Variants in CDH11 observed in about 807,000 individuals in gnomAD.
CDH11 encodes the protein cadherin 11.
Under a neutral mutation model 67.8 loss-of-function variants are expected in CDH11, and 11 were observed. The ratio of observed to expected loss-of-function variants is 0.16; its 90% CI spans 0.10 to 0.27. The LOEUF (loss-of-function observed/expected upper bound fraction) is 0.27, where lower values mean the gene tolerates loss of function less well. Among genes scored for constraint, CDH11 ranks in the 10% least tolerant of loss-of-function variants. The probability of loss-of-function intolerance (pLI) is 1.00; values close to 1 mark genes in which losing one functional copy is unlikely to be tolerated. For missense variants in CDH11, 847 were observed against 1,031.2 expected, an observed-to-expected ratio of 0.82 and a Z score of 2.45; for synonymous variants, 419 against 400.0, an observed-to-expected ratio of 1.05 and a Z score of -0.57.
intron 2 of CDH11, among the ~76,000 whole-genome samples, chr16:65,007,975 T>C (rs924299303): frequency 6.6e-6 from 1 of 152,200 alleles, no homozygotes; most frequent in African/African-American, 2.4e-5. Context: ...AAACAGCATA[T>C]GGTGAGGCAA....
chr16:64,989,472 G>A (rs1182072352), intron 6 of CDH11, among the ~76,000 whole-genome samples: 1 of 152,162 alleles, frequency 6.6e-6, no homozygotes, highest in Admixed American at 6.6e-5. Context: ...TAAAATGACT[G>A]AGGAAGACAA....
intron 1 of CDH11, among the ~76,000 whole-genome samples, chr16:65,110,624 A>ATGTGTGTGTGTGTG (rs57316241): frequency 1.5e-5 from 2 of 135,828 alleles, no homozygotes; most frequent in Admixed American, 7.5e-5. Context: ...ATGGCCAATG[A>ATGTGTGTGTGTGTG]TGTGTGTGTG....
chr16:65,081,464 G>A (rs1428006920), intron 1 of CDH11, among the ~76,000 whole-genome samples: 4 of 152,038 alleles, frequency 2.6e-5, no homozygotes, highest in African/African-American at 9.7e-5. Context: ...AGCTACGCGG[G>A]AGGCTGAGGC....
intron 1 of CDH11, among the ~76,000 whole-genome samples, chr16:65,055,056 T>C (rs930830638): frequency 6.6e-6 from 1 of 152,226 alleles, no homozygotes; most frequent in Non-Finnish European, 1.5e-5. Flanking sequence ...GTGTGCTATT[T>C]ATCCAAATGT....
chr16:65,025,460 A>G (rs1188814963), intron 2 of CDH11, among the ~76,000 whole-genome samples: 2 of 152,132 alleles, frequency 1.3e-5, no homozygotes, highest in Non-Finnish European at 1.5e-5. Context: ...CTCCTGCCTC[A>G]GCCTCCTGAG....
At chr16:65,038,619 G>T (rs984325909) in intron 2 of CDH11, among the ~76,000 whole-genome samples, 10 of 152,156 alleles carry the variant, frequency 6.6e-5, no homozygotes, top group African/African-American at 1.9e-4. Flanking sequence ...AATATCCGTG[G>T]ATCCCACATC....
intron 7 of CDH11, chr16:64,985,506 T>G (rs1274041783): frequency 1.3e-5 from 2 of 151,920 alleles, no homozygotes; most frequent in Non-Finnish European, 2.9e-5. Context: ...TTTTTCTGCC[T>G]TTTCTGTCCT....
intron 4 of CDH11, among the ~76,000 whole-genome samples, chr16:64,993,461 TC>T (rs1179521691): frequency 6.6e-6 from 1 of 152,178 alleles, no homozygotes; most frequent in African/African-American, 2.4e-5. Flanking sequence ...AGTGCAATCT[TC>T]CATCTGTAGC....
At chr16:65,008,213 A>G (rs1450731889) in intron 2 of CDH11, among the ~76,000 whole-genome samples, 1 of 152,260 alleles carries the variant, frequency 6.6e-6, no homozygotes, top group Non-Finnish European at 1.5e-5. Flanking sequence ...AAAAATGTCT[A>G]GCTTAATACT....
At chr16:65,027,685 G>A (rs2073561804) in intron 2 of CDH11, among the ~76,000 whole-genome samples, 1 of 152,200 alleles carries the variant, frequency 6.6e-6, no homozygotes, top group Non-Finnish European at 1.5e-5. Context: ...CAGGATGGCT[G>A]CCCATGAAAC....
chr16:65,061,325 T>C (rs1379677664), intron 1 of CDH11, among the ~76,000 whole-genome samples: 1 of 152,250 alleles, frequency 6.6e-6, no homozygotes, highest in Non-Finnish European at 1.5e-5. Flanking sequence ...CACAAAATTA[T>C]ATAATTTTTT....
chr16:65,021,518 T>A (rs1360816763), intron 2 of CDH11, among the ~76,000 whole-genome samples: 1 of 149,828 alleles, frequency 6.7e-6, no homozygotes, highest in Non-Finnish European at 1.5e-5. Context: ...AGAAACAAGA[T>A]TCAAGAAGAG....
At chr16:65,095,158 C>A (rs1243170441) in intron 1 of CDH11, among the ~76,000 whole-genome samples, 5 of 152,082 alleles carry the variant, frequency 3.3e-5, no homozygotes, top group Admixed American at 1.3e-4. Context: ...CTGCCTCACT[C>A]CTCATTCTTT....
chr16:65,120,398 C>T (rs1201706882), intron 1 of CDH11, among the ~76,000 whole-genome samples: 4 of 152,172 alleles, frequency 2.6e-5, no homozygotes, highest in African/African-American at 9.7e-5. Context: ...GTCCTCTAGC[C>T]AGATTAATTA....
At chr16:65,081,087 T>C (rs1050833940) in intron 1 of CDH11, among the ~76,000 whole-genome samples, 3 of 152,190 alleles carry the variant, frequency 2.0e-5, no homozygotes, top group Non-Finnish European at 2.9e-5. Context: ...ATGTTGAATA[T>C]ACAATAATCG....
At chr16:65,020,980 A>ATTT (rs200624560) in intron 2 of CDH11, among the ~76,000 whole-genome samples, 1 of 144,988 alleles carries the variant, frequency 6.9e-6, no homozygotes, top group Non-Finnish European at 1.5e-5. Flanking sequence ...CAAGAATTCC[A>ATTT]TTTTTTTTTT....
At chr16:65,088,723 C>T (rs1199044001) in intron 1 of CDH11, among the ~76,000 whole-genome samples, 5 of 152,264 alleles carry the variant, frequency 3.3e-5, no homozygotes, top group Admixed American at 2.6e-4. Flanking sequence ...TGGATGAACA[C>T]ATTTTTATGA....
At chr16:65,094,892 A>G (rs2074860909) in intron 1 of CDH11, 1 of 150,920 alleles carries the variant, frequency 6.6e-6, no homozygotes. Context: ...TCCAGCTTGC[A>G]GAACTGTGAG....
intron 1 of CDH11, among the ~76,000 whole-genome samples, chr16:65,107,134 C>A (rs1488710567): frequency 6.6e-6 from 1 of 152,064 alleles, no homozygotes; most frequent in East Asian, 1.9e-4. Context: ...CGGACCTACC[C>A]TTGAAAGCAC....
Sources: allele counts gnomAD v4.1 joint callset (sites outside exome capture counted in the v4.1 genomes callset), GRCh38; gene constraint gnomAD v4.1.1; transcripts MANE v1.5; gene names NCBI Gene and HGNC (gene_info 2026-07-23, HGNC 2026-07-21).